The following FHIT variants were observed in gnomAD, a reference collection of about 807,000 sequenced individuals.
FHIT encodes bis(5'-adenosyl)-triphosphatase.
FHIT carries 19 observed loss-of-function variants against 17.9 expected under a neutral mutation model. That is an observed-to-expected ratio of 1.06 (90% CI 0.74 to 1.56). The LOEUF is 1.56. Ranked by LOEUF, FHIT falls within the 40% of genes most tolerant of loss-of-function variation. FHIT has a pLI of 0.00. For synonymous variants in FHIT, 81 were observed against 69.7 expected (o/e 1.16, Z -0.81); for missense variants, 248 against 189.2 (o/e 1.31, Z -1.82).
chr3:60,300,522 T>C (rs1452935760), intron 5 of FHIT, among the ~76,000 whole-genome samples: 1 of 152,112 alleles, frequency 6.6e-6, no homozygotes, highest in Non-Finnish European at 1.5e-5. Flanking sequence ...TTTGTTTTGT[T>C]TTTTCCTGTA....
At chr3:59,908,853 T>TTTTTTTTTTTTTTTTTTTTTTTG (rs1271629999) in intron 8 of FHIT, among the ~76,000 whole-genome samples, 17 of 150,824 alleles carry the variant, frequency 1.1e-4, no homozygotes, top group African/African-American at 2.2e-4. Flanking sequence ...CATTTTTTAA[T>TTTTTTTTTTTTTTTTTTTTTTTG]AGTCCAACTG....
rs572387372 is a variant in FHIT at position 60,443,608 on chromosome 3, T to C, written c.103+93252A>G. On this transcript the variant is annotated intron_variant, in intron 5 of 9. Coordinates refer to ENST00000492590, the MANE Select transcript of FHIT (RefSeq NM_002012.4). ...TTGCATATGTTGAACCAGCCTTGCATCCCAGGGATGAAGCCCACTTGATCA... is the reference window on the plus strand; with the variant it reads ...TTGCATATGTTGAACCAGCCTTGCACCCCAGGGATGAAGCCCACTTGATCA... 4.9e-4 allele frequency among the ~76,000 whole-genome samples: 75 copies of C among 152,304 alleles called. 1 individual carries two copies. The South Asian group carries it at 0.015, about 31-fold the overall frequency.
intron 2 of FHIT, among the ~76,000 whole-genome samples, chr3:61,150,903 G>C (rs571001756): frequency 1.4e-4 from 21 of 152,262 alleles, no homozygotes; most frequent in African/African-American, 5.1e-4. Context: ...AATTGGCCAT[G>C]GGACATGAAA....
chr3:60,760,296 A>G (rs1391300862), intron 4 of FHIT, among the ~76,000 whole-genome samples: 1 of 152,212 alleles, frequency 6.6e-6, no homozygotes. Flanking sequence ...CAGTTCAGAG[A>G]GCACATGGTC....
chr3:60,690,186 A>G, intron 4 of FHIT: 3 of 469,178 alleles, frequency 6.4e-6, no homozygotes, highest in South Asian at 5.2e-5. Context: ...CAACAGAAGA[A>G]ATGGTCTGGT....
rs140777441 is a variant in FHIT, at chr3:60,834,585, G to A, written c.-110-12574C>T. On this transcript the variant is annotated intron_variant, in intron 3 of 9. Transcript: ENST00000492590. The stretch of plus-strand genomic sequence containing the variant: ...CTCTTAAAAGGGTCTTAGGCCGGGC[G>A]TGGTGGCTCACACCTGTAATACCAG... Among the ~76,000 whole-genome samples, 260 of 152,164 alleles carry A rather than the reference G, an allele frequency of 1.7e-3. 1 individual carries two copies. Among genetic ancestry groups the A allele is most frequent in the African/African-American group, 5.7e-3 (236 of 41,544 alleles).
intron 2 of FHIT, among the ~76,000 whole-genome samples, chr3:61,133,727 A>C (rs2036829310): frequency 6.6e-6 from 1 of 152,174 alleles, no homozygotes; most frequent in African/African-American, 2.4e-5. Flanking sequence ...TAAATAATAC[A>C]GCAAAAATAC....
At chr3:60,482,967 T>C (rs983328714) in intron 5 of FHIT, among the ~76,000 whole-genome samples, 2 of 151,028 alleles carry the variant, frequency 1.3e-5, no homozygotes, top group Non-Finnish European at 3.0e-5. Flanking sequence ...AAGAATCAAA[T>C]ACACACAATA....
At chr3:59,890,240 G>C (rs879332442) in intron 8 of FHIT, among the ~76,000 whole-genome samples, 1 of 151,964 alleles carries the variant, frequency 6.6e-6, no homozygotes, top group Non-Finnish European at 1.5e-5. Context: ...TTATTGCCCT[G>C]TGGGGACTCC....
chr3:60,437,176 G>A (rs1375510741), intron 5 of FHIT, among the ~76,000 whole-genome samples: 2 of 152,050 alleles, frequency 1.3e-5, no homozygotes, highest in Non-Finnish European at 2.9e-5. Flanking sequence ...ACCCATCACT[G>A]ATGTTCTTGA....
chr3:60,826,601 T>C lies in FHIT; in HGVS notation c.-110-4590A>G, dbSNP rs1474343875. 2.6e-5 allele frequency among the ~76,000 whole-genome samples: 4 copies of C among 152,226 alleles called. No individual in the cohort carries two copies. In the East Asian group the frequency reaches 7.7e-4, roughly 29 times the overall value. ...TATGTTTTAATAATCAGCGTGACCA[T>C]TGGTGATTCCTAGCAGACTGTCTCA... is the stretch of plus-strand genomic sequence containing the variant. On this transcript the variant is annotated intron_variant, in intron 3 of 9. Coordinates refer to ENST00000492590, the MANE Select transcript of FHIT (RefSeq NM_002012.4).
chr3:60,306,395 T>C lies in FHIT; in HGVS notation c.103+230465A>G, dbSNP rs1259181711. Reference sequence around the variant, plus strand: ...AGGTAAAAGAGAAAACAAATTTGCTTTGAAGGAGTCAAGGCTATGTGGAAT... The same window carrying C: ...AGGTAAAAGAGAAAACAAATTTGCTCTGAAGGAGTCAAGGCTATGTGGAAT... On this transcript the variant is annotated intron_variant, in intron 5 of 9. Coordinates refer to ENST00000492590, the MANE Select transcript of FHIT (RefSeq NM_002012.4). Among the ~76,000 whole-genome samples, 7 of 152,284 alleles carry C rather than the reference T, an allele frequency of 4.6e-5. No homozygotes were observed. In the East Asian group the frequency reaches 9.6e-4, roughly 21 times the overall value.
intron 2 of FHIT, among the ~76,000 whole-genome samples, chr3:61,169,873 G>A (rs1365939389): frequency 6.6e-6 from 1 of 152,194 alleles, no homozygotes; most frequent in Non-Finnish European, 1.5e-5. Context: ...AAGGGGTTCA[G>A]TGGGTAGAAA....
At chr3:60,874,121 C>T (rs10048949) in intron 3 of FHIT, among the ~76,000 whole-genome samples, 36,278 of 151,944 alleles carry the variant, frequency 0.24, 4,837 homozygotes, top group African/African-American at 0.34. Context: ...ATATTGAACC[C>T]CTCTGAGTCA....
chr3:60,829,129 C>T (rs1359031107), intron 3 of FHIT, among the ~76,000 whole-genome samples: 1 of 152,198 alleles, frequency 6.6e-6, no homozygotes, highest in Non-Finnish European at 1.5e-5. Context: ...ATGTGACAAG[C>T]ACCTACTATG....
At chr3:61,046,587 T>C (rs1030530903) in intron 2 of FHIT, among the ~76,000 whole-genome samples, 2 of 152,176 alleles carry the variant, frequency 1.3e-5, no homozygotes, top group Non-Finnish European at 2.9e-5. Context: ...TACCGTTGCT[T>C]CTGAAACTAT....
chr3:60,251,521 C>G (rs901152649), intron 5 of FHIT, among the ~76,000 whole-genome samples: 1 of 152,214 alleles, frequency 6.6e-6, no homozygotes, highest in African/African-American at 2.4e-5. Flanking sequence ...TTGAAAACCT[C>G]ATCTTTCCAA....
intron 5 of FHIT, among the ~76,000 whole-genome samples, chr3:60,384,089 G>A (rs1020928794): frequency 1.3e-5 from 2 of 152,014 alleles, no homozygotes; most frequent in Admixed American, 1.3e-4. Context: ...CCATCATGGT[G>A]AAACCCCGTC....
intron 5 of FHIT, among the ~76,000 whole-genome samples, chr3:60,222,808 G>T (rs142561492): frequency 1.1e-3 from 160 of 152,256 alleles, no homozygotes; most frequent in African/African-American, 3.8e-3. Flanking sequence ...GGCTGAGGCA[G>T]GAGAACTGCT....
Sources: allele counts gnomAD v4.1 joint callset (sites outside exome capture counted in the v4.1 genomes callset), GRCh38; gene constraint gnomAD v4.1.1; transcripts MANE v1.5; gene names NCBI Gene and HGNC (gene_info 2026-07-23, HGNC 2026-07-21).